The following ZNF587B variants were observed in gnomAD, a reference collection of about 807,000 sequenced individuals.
ZNF587B encodes the protein zinc finger protein 587B.
Under a neutral mutation model 7.2 loss-of-function variants are expected in ZNF587B, and 6 were observed. The observed-to-expected ratio is 0.83, with a 90% confidence interval of 0.46 to 1.65. The LOEUF (loss-of-function observed/expected upper bound fraction) is 1.65. Ranked by LOEUF, ZNF587B falls within the 40% of genes most tolerant of loss-of-function variation. The probability of loss-of-function intolerance (pLI) is 0.01; values close to 1 mark genes in which losing one functional copy is unlikely to be tolerated. For synonymous variants in ZNF587B, 274 were observed against 254.3 expected (o/e 1.08, Z -0.74); for missense variants, 749 against 761.0 (o/e 0.98, Z 0.19).
At chr19:57,836,931 C>G (rs1401884615) in intron 1 of ZNF587B, among the ~76,000 whole-genome samples, 1 of 148,102 alleles carries the variant, frequency 6.8e-6, no homozygotes, top group Non-Finnish European at 1.5e-5. Context: ...CCACCCCGCT[C>G]CAGCCTGGGT....
rs1452894095 is a variant in ZNF587B at position 57,840,428 on chromosome 19, A to T, written c.164-410A>T. 1.4e-4 allele frequency among the ~76,000 whole-genome samples: 22 copies of T among 152,160 alleles called. No homozygotes were observed. In the East Asian group the frequency reaches 4.1e-3, roughly 28 times the overall value. ...CGTGTTCTCCAGTATTTGCATAGAGATTTGTGTTAGCAAGTATATACGCTT... is the reference window on the plus strand; with the variant it reads ...CGTGTTCTCCAGTATTTGCATAGAGTTTTGTGTTAGCAAGTATATACGCTT... On this transcript the variant is annotated intron_variant, in intron 2 of 2. Coordinates refer to ENST00000594901, the MANE Select transcript of ZNF587B (RefSeq NM_001376223.1).
intron 1 of ZNF587B, among the ~76,000 whole-genome samples, chr19:57,832,215 T>G (rs1988439012): frequency 1.3e-5 from 2 of 151,858 alleles, no homozygotes; most frequent in African/African-American, 4.8e-5. Flanking sequence ...GCCTCCCGAG[T>G]AGCTGGGACT....
chr19:57,839,529 A>G (rs1461330466), intron 2 of ZNF587B, among the ~76,000 whole-genome samples: 2 of 152,196 alleles, frequency 1.3e-5, no homozygotes, highest in East Asian at 1.9e-4. Flanking sequence ...CACTGCCTAT[A>G]TAGACCAGAG....
Position 57,844,551 on chromosome 19 carries a change from TTC to T in ZNF587B, c.*1977_*1978del, listed in dbSNP as rs1433368346. The T allele has an allele frequency of 6.0e-6, 1 of 167,072 alleles. No homozygotes were observed. Among genetic ancestry groups the T allele is most frequent in the Non-Finnish European group, 1.3e-5 (1 of 76,074 alleles). The allele number at this position is 167,072 out of a possible 1,614,324, so 10.3% of individuals were successfully genotyped here. A position where few individuals can be genotyped will look rare whatever the true frequency, so the allele number is the denominator to read the frequency against. ...GACAGCATGAATGCAGAATATAGCTTTCTTCACTTGTGGCCTATTTGCATAGC... is the reference window on the plus strand; with the variant it reads ...GACAGCATGAATGCAGAATATAGCTTTTCACTTGTGGCCTATTTGCATAGC... On this transcript the variant is annotated 3_prime_UTR_variant, in exon 3 of 3. Transcript: ENST00000594901.
Position 57,841,663 on chromosome 19 carries a change from A to T in ZNF587B, c.989A>T (p.Glu330Val). 6.2e-7 allele frequency: 1 copy of T among 1,604,190 alleles called. No homozygotes were observed. Among genetic ancestry groups the T allele is most frequent in the Non-Finnish European group, 8.5e-7 (1 of 1,175,360 alleles). The change falls in exon 3 of 3, where the codon GAA (glutamate) becomes GTA (valine). Residue 330 changes from glutamate (E) to valine (V), a missense_variant. By Grantham distance (121) the Glu-to-Val change is moderately radical. Transcript: ENST00000594901. ...HAGKGPYECG[E>V]CGKSFSSNVN... ...GGAAAAGGGCCTTATGAGTGTGGAG[A>T]ATGTGGGAAATCTTTTAGTTCAAAC...
rs199923915 is a variant in ZNF587B, at chr19:57,841,091, G to C, written c.417G>C (p.Gln139His). The C allele has an allele frequency of 1.4e-3, 2,290 of 1,614,022 alleles. 30 individuals are homozygous for C. In the South Asian group the frequency reaches 0.015, roughly 10 times the overall value. ...ACAGTGGAAACTTTCATCAGCACCAGAATGAGCACATTGGAGAGAAACCCT... is the reference window on the plus strand; with the variant it reads ...ACAGTGGAAACTTTCATCAGCACCACAATGAGCACATTGGAGAGAAACCCT... ...LYDSGNFHQH[Q>H]NEHIGEKPYR... is the part of the protein sequence containing the mutation. Residue 139 changes from glutamine (Q) to histidine (H), a missense_variant, in exon 3 of 3, where the codon CAG (glutamine) becomes CAC (histidine). Physicochemically the swap from Gln to His is conservative, Grantham distance 24. This residue lies in a region of ZNF587B where 656 missense variants were observed against 596.5 expected (regional missense o/e 1.10). Coordinates refer to ENST00000594901, the MANE Select transcript of ZNF587B (RefSeq NM_001376223.1).
chr19:57,838,882 C>T, intron 1 of ZNF587B, 141 bp from the exon 2 acceptor site: 2 of 1,340,102 alleles, frequency 1.5e-6, no homozygotes, highest in South Asian at 1.4e-5. Context: ...GGTGGCTGTA[C>T]CCCATGACCA....
Position 57,841,569 on chromosome 19 carries a change from G to T in ZNF587B, c.895G>T (p.Gly299Trp). ...ATTTCACACTGGAGGAAAACCTTAT[G>T]GGTGTGAAGAATGTGGGAAATATTT... ...QQFHTGGKPYGCEECGKYFSL... is the reference protein window; with the variant it reads ...QQFHTGGKPYWCEECGKYFSL... The change falls in exon 3 of 3, where the codon GGG becomes TGG. Residue 299 changes from glycine to tryptophan, a missense_variant. Coordinates refer to ENST00000594901, the MANE Select transcript of ZNF587B (RefSeq NM_001376223.1). The T allele has an allele frequency of 1.3e-6, 2 of 1,578,034 alleles. No homozygotes were observed. Among genetic ancestry groups the T allele is most frequent in the East Asian group, 2.3e-5 (1 of 42,862 alleles).
intron 1 of ZNF587B, among the ~76,000 whole-genome samples, chr19:57,834,888 A>C (rs1463323205): frequency 8.0e-6 from 1 of 125,100 alleles, no homozygotes; most frequent in Non-Finnish European, 1.7e-5. Flanking sequence ...TAAGGGTATG[A>C]TGGGTGCAGC....
Position 57,844,878 on chromosome 19 carries a change from C to T in ZNF587B, c.*2302C>T, listed in dbSNP as rs1989012460. On this transcript the variant is annotated 3_prime_UTR_variant, in exon 3 of 3. Coordinates refer to ENST00000594901, the MANE Select transcript of ZNF587B (RefSeq NM_001376223.1). ...TATCCAGAATTCTGTAAGGCAACATCACAGGTTGTAAGGCTATAGGATGAA... is the reference window on the plus strand; with the variant it reads ...TATCCAGAATTCTGTAAGGCAACATTACAGGTTGTAAGGCTATAGGATGAA... 1 of 152,162 alleles carries T rather than the reference C, an allele frequency of 6.6e-6. No homozygotes were observed. Among genetic ancestry groups the T allele is most frequent in the Admixed American group, 6.5e-5 (1 of 15,276 alleles). The allele number at this position is 152,162 out of a possible 1,614,324, so 9.4% of individuals were successfully genotyped here.
intron 1 of ZNF587B, among the ~76,000 whole-genome samples, chr19:57,831,232 G>C (rs1988378168): frequency 6.6e-6 from 1 of 152,166 alleles, no homozygotes; most frequent in Non-Finnish European, 1.5e-5. Context: ...GTAAGGGAGA[G>C]TCAATTCAGG....
intron 1 of ZNF587B, among the ~76,000 whole-genome samples, chr19:57,838,328 C>T (rs1309117766): frequency 1.3e-5 from 2 of 151,142 alleles, no homozygotes; most frequent in Non-Finnish European, 2.9e-5. Context: ...TGTGGCCGGG[C>T]ACAGTGGCTC....
At chr19:57,837,963 C>A (rs1988690627) in intron 1 of ZNF587B, among the ~76,000 whole-genome samples, 1 of 151,952 alleles carries the variant, frequency 6.6e-6, no homozygotes, top group Admixed American at 6.6e-5. Context: ...AAAATGTAAC[C>A]CTAGGGGGAG....
rs1255061507 is a variant in ZNF587B, at chr19:57,843,552, T to A, written c.*976T>A. On this transcript the variant is annotated 3_prime_UTR_variant, in exon 3 of 3. Transcript: ENST00000594901. The stretch of plus-strand genomic sequence containing the variant: ...TCCCATTCACGAGAGATTTTTTTTT[T>A]AAGTTTTTTGTTTGGTTGGTTGGTT... 2 of 983,678 alleles carry A rather than the reference T, an allele frequency of 2.0e-6. No individual in the cohort carries two copies. Among genetic ancestry groups the A allele is most frequent in the Non-Finnish European group, 2.4e-6 (2 of 829,334 alleles). The allele number at this position is 983,678 out of a possible 1,614,324, so 60.9% of individuals were successfully genotyped here.
intron 1 of ZNF587B, among the ~76,000 whole-genome samples, chr19:57,832,654 T>G (rs1377827758): frequency 4.6e-5 from 7 of 152,260 alleles, no homozygotes; most frequent in African/African-American, 1.7e-4. Flanking sequence ...TTTATTGTGG[T>G]CTTCACAGTC....
chr19:57,831,985 C>T (rs560179039), intron 1 of ZNF587B, among the ~76,000 whole-genome samples: 1 of 152,142 alleles, frequency 6.6e-6, no homozygotes, highest in Non-Finnish European at 1.5e-5. Flanking sequence ...GGATTACAGA[C>T]GTGAGCCACC....
chr19:57,839,219 G>T, intron 2 of ZNF587B, 70 bp downstream of exon 2: 1 of 1,592,246 alleles, frequency 6.3e-7, no homozygotes, highest in South Asian at 1.1e-5. Flanking sequence ...CCATTGGCAA[G>T]ACTTTCTCAT....
Position 57,842,076 on chromosome 19 carries a change from T to C in ZNF587B, c.1402T>C (p.Cys468Arg). 1 of 1,591,626 alleles carries C rather than the reference T, an allele frequency of 6.3e-7. No individual in the cohort carries two copies. Among genetic ancestry groups the C allele is most frequent in the Non-Finnish European group, 8.6e-7 (1 of 1,168,390 alleles). Residue 468 changes from cysteine to arginine, a missense_variant, in exon 3 of 3, where the codon TGT becomes CGT. Cys to Arg is a radical substitution (Grantham distance 180). Around this residue, in one of 3 missense-constraint regions of ZNF587B, gnomAD observed 656 missense variants for 596.5 expected, o/e 1.10. Transcript: ENST00000594901. Reference protein sequence around the residue: ...HGHTRKRPYMCWECGKLFKKK... With the variant: ...HGHTRKRPYMRWECGKLFKKK... ...CCATACTAGAAAAAGGCCTTATATG[T>C]GTTGGGAATGTGGAAAATTATTTAA...
intron 1 of ZNF587B, among the ~76,000 whole-genome samples, chr19:57,837,822 C>T (rs1988680932): frequency 6.6e-6 from 1 of 151,822 alleles, no homozygotes; most frequent in Non-Finnish European, 1.5e-5. Context: ...TGACCTCAGG[C>T]GATCCACCCG....
Sources: gnomAD v4.1 joint callset for allele counts (sites outside exome capture counted in the v4.1 genomes callset) on GRCh38, gnomAD v4.1.1 for gene constraint, gnomAD v4.1.1 regional missense constraint, MANE v1.5 for transcripts, NCBI Gene and HGNC (gene_info 2026-07-23, HGNC 2026-07-21) for gene names.